ZNF676: variants seen among roughly 807,000 people sequenced by gnomAD.
The protein encoded by ZNF676 is zinc finger protein 676.
ZNF676 carries 4 observed loss-of-function variants against 6.0 expected under a neutral mutation model. The observed-to-expected ratio is 0.67, with a 90% CI of 0.33 to 1.53. The LOEUF is 1.53. Among genes scored for constraint, ZNF676 ranks in the 40% most tolerant of loss-of-function variants. The pLI, the probability that ZNF676 is intolerant of heterozygous loss-of-function variation, is 0.06. For missense variants in ZNF676, 644 were observed against 679.7 expected, an observed-to-expected ratio of 0.95 and a Z score of 0.58; for synonymous variants, 198 against 223.1, an observed-to-expected ratio of 0.89 and a Z score of 1.00.
At chr19:22,244,104 C>T in the ZNF676 span, 1 of 149,154 alleles carries the variant, frequency 6.7e-6, no homozygotes, top group Admixed American at 6.7e-5. Context: ...AGTGCAATGG[C>T]ATGGTCTCAG....
At chr19:22,195,104 A>G (rs1370619196) in intron 1 of ZNF676, among the ~76,000 whole-genome samples, 1 of 152,176 alleles carries the variant, frequency 6.6e-6, no homozygotes, top group Non-Finnish European at 1.5e-5. Flanking sequence ...AGGGGAATAT[A>G]TAGTGCAATT....
At chr19:22,223,527 TTA>T in the ZNF676 span, among the ~76,000 whole-genome samples, 4 of 151,504 alleles carry the variant, frequency 2.6e-5, no homozygotes, top group African/African-American at 7.3e-5. Context: ...TTTTTTTTTT[TTA>T]AATTTTACTG....
At chr19:22,189,548 C>T (rs528709166) in intron 2 of ZNF676, among the ~76,000 whole-genome samples, 1 of 152,046 alleles carries the variant, frequency 6.6e-6, no homozygotes, top group Admixed American at 6.6e-5. Flanking sequence ...AGAGCTTCTA[C>T]ACAGCAAAAG....
chr19:22,252,123 G>C, the ZNF676 span, among the ~76,000 whole-genome samples: 272 of 152,228 alleles, frequency 1.8e-3, no homozygotes, highest in African/African-American at 6.3e-3. Context: ...GGCTGGGCAT[G>C]GTGGTTCACG....
intron 1 of ZNF676, among the ~76,000 whole-genome samples, chr19:22,208,213 C>T (rs1490947926): frequency 6.7e-6 from 1 of 150,150 alleles, no homozygotes; most frequent in South Asian, 2.1e-4. Flanking sequence ...CAAAGGTTTA[C>T]TATCCAGAAT....
the ZNF676 span, among the ~76,000 whole-genome samples, chr19:22,226,603 T>TA: frequency 9.9e-5 from 15 of 151,212 alleles, no homozygotes; most frequent in South Asian, 2.9e-3. Flanking sequence ...TCTTGCTTTT[T>TA]TTTTTTCCTT....
upstream of ZNF676, chr19:22,215,797 T>TCCC (rs58901355): frequency 2.4e-5 from 13 of 549,410 alleles, no homozygotes; most frequent in East Asian, 1.7e-4. Flanking sequence ...AGCCGACCTG[T>TCCC]CCCCCCCCCC....
chr19:22,192,895 A>G lies in ZNF676; in HGVS notation c.130+121T>C, dbSNP rs1392810187. Reference sequence around the variant, plus strand: ...TGAGAGAAAATTAAAAAATAAAAATAAAAATTAGCTTTCCAGAAACAACTA... The same window carrying G: ...TGAGAGAAAATTAAAAAATAAAAATGAAAATTAGCTTTCCAGAAACAACTA... On this transcript the variant is annotated intron_variant, in intron 2 of 2. Coordinates refer to ENST00000397121, the MANE Select transcript of ZNF676 (RefSeq NM_001001411.3). 3 of 1,115,966 alleles carry G rather than the reference A, an allele frequency of 2.7e-6. No homozygotes were observed. The African/African-American group carries it at 5.0e-5, about 18-fold the overall frequency. The allele number at this position is 1,115,966 out of a possible 1,614,324, so 69.1% of individuals were successfully genotyped here.
At chr19:22,211,993 A>G (rs2024133198) in intron 1 of ZNF676, among the ~76,000 whole-genome samples, 1 of 148,498 alleles carries the variant, frequency 6.7e-6, no homozygotes, top group Non-Finnish European at 1.5e-5. Context: ...AGGTCAGGAA[A>G]TCAAGACCAT....
chr19:22,217,740 G>A (rs541138223), upstream of ZNF676, among the ~76,000 whole-genome samples: 137 of 151,338 alleles, frequency 9.1e-4, 1 homozygote, highest in African/African-American at 3.2e-3. Flanking sequence ...CATGGAGTCT[G>A]TCACACAGAC....
At chr19:22,206,845 T>G (rs1008234398) in intron 1 of ZNF676, among the ~76,000 whole-genome samples, 14 of 151,868 alleles carry the variant, frequency 9.2e-5, no homozygotes, top group Non-Finnish European at 1.5e-4. Context: ...AAGACAGAAA[T>G]CACAAGATTA....
the ZNF676 span, among the ~76,000 whole-genome samples, chr19:22,231,909 A>G: frequency 6.6e-6 from 1 of 152,072 alleles, no homozygotes; most frequent in Non-Finnish European, 1.5e-5. Flanking sequence ...CTTGAGCTCT[A>G]TCTTAAGTCA....
At chr19:22,233,551 GT>G in the ZNF676 span, among the ~76,000 whole-genome samples, 57 of 137,138 alleles carry the variant, frequency 4.2e-4, no homozygotes, top group Admixed American at 8.2e-4. Context: ...TCTGAAATTT[GT>G]TGTTTATTTT....
At chr19:22,189,184 C>T (rs2023873932) in intron 2 of ZNF676, among the ~76,000 whole-genome samples, 1 of 151,868 alleles carries the variant, frequency 6.6e-6, no homozygotes, top group African/African-American at 2.4e-5. Flanking sequence ...CAGAACAGAG[C>T]CCTCAGAAAT....
At chr19:22,252,096 T>C in the ZNF676 span, among the ~76,000 whole-genome samples, 34,833 of 151,876 alleles carry the variant, frequency 0.23, 4,218 homozygotes, top group South Asian at 0.37. Context: ...CCTTGTAATA[T>C]TGATGCTTTC....
chr19:22,192,089 C>T (rs1014066383), intron 2 of ZNF676, among the ~76,000 whole-genome samples: 5 of 152,092 alleles, frequency 3.3e-5, no homozygotes, highest in African/African-American at 9.7e-5. Context: ...ATAAACAGTA[C>T]ATTAAAATCT....
At chr19:22,227,445 AC>A in the ZNF676 span, among the ~76,000 whole-genome samples, 2 of 152,222 alleles carry the variant, frequency 1.3e-5, no homozygotes, top group African/African-American at 4.8e-5. Context: ...ATCACAATTA[AC>A]AGAACTAGAG....
chr19:22,224,925 T>C, the ZNF676 span, among the ~76,000 whole-genome samples: 11 of 151,970 alleles, frequency 7.2e-5, no homozygotes, highest in Non-Finnish European at 1.5e-5. Context: ...ATCCTGGGAG[T>C]TTGAGGCTGA....
In ZNF676 at chr19:22,212,654, G is replaced by A. The variant is rs141467820; in HGVS notation, c.3+2978C>T. Among the ~76,000 whole-genome samples, 399 of 151,966 alleles carry A rather than the reference G, an allele frequency of 2.6e-3. 1 individual carries two copies. Among genetic ancestry groups the A allele is most frequent in the African/African-American group, 8.6e-3 (358 of 41,416 alleles). On this transcript the variant is annotated intron_variant, in intron 1 of 3. Coordinates refer to the ZNF676 transcript ENST00000650058. ...TGGGATGCAGAGGTTGCAGTGAGCC[G>A]AGATTGCACCACCGCACTCCAGCCT... is the stretch of plus-strand genomic sequence containing the variant.
Sources: allele counts gnomAD v4.1 joint callset (sites outside exome capture counted in the v4.1 genomes callset), GRCh38; gene constraint gnomAD v4.1.1; transcripts MANE v1.5; gene names NCBI Gene and HGNC (gene_info 2026-07-23, HGNC 2026-07-21).